COL6A3: variants seen among roughly 807,000 people sequenced by gnomAD.
The protein encoded by COL6A3 is collagen type VI alpha 3 chain, also known as collagen alpha-3(VI) chain.
Under a neutral mutation model 274.1 loss-of-function variants are expected in COL6A3, and 137 were observed. That is an observed-to-expected ratio of 0.50 (90% CI 0.44 to 0.58). The LOEUF (loss-of-function observed/expected upper bound fraction) is 0.58. Ranked by LOEUF, COL6A3 falls within the 20% of genes least tolerant of loss-of-function variation. The pLI is 0.00. For synonymous variants in COL6A3, 1,650 were observed against 1,650.6 expected, an observed-to-expected ratio of 1.00 and a Z score of 0.01; for missense variants, 3,950 against 4,124.9, an observed-to-expected ratio of 0.96 and a Z score of 1.16.
chr2:237,388,184 GC>G lies in COL6A3; in HGVS notation c.710-1del. 6.2e-7 allele frequency: 1 copy of G among 1,613,928 alleles called. No homozygotes were observed. The highest frequency in any genetic ancestry group is 2.2e-5 in the East Asian group (1 of 44,890). On this transcript the variant is annotated splice_acceptor_variant, in intron 3 of 43. Transcript: ENST00000295550. LOFTEE classifies it high-confidence loss of function. ...GAAAATAATGTCAGCAGAGTCTTGT[GC>G]TTTAAAAGAAAGAAATGCAAAAAAT...
chr2:237,369,110 G>A lies in COL6A3; in HGVS notation c.4353C>T (p.Gly1451=), dbSNP rs755425297. The change falls in exon 10 of 44, where the codon GGC becomes GGT. Residue 1451 remains glycine, a synonymous_variant. Transcript: ENST00000295550. ...IDSSEGVRPD[G]FAHIRDFVSR... ...TAACAAAATCTCGAATATGTGCAAA[G>A]CCATCTGGCCTAACTCCCTCAGAGC... The A allele has an allele frequency of 6.2e-7, 1 of 1,614,014 alleles. No individual in the cohort carries two copies. Among genetic ancestry groups the A allele is most frequent in the South Asian group, 1.1e-5 (1 of 91,084 alleles).
intron 42 of COL6A3, chr2:237,330,181 T>C (rs1700152596): frequency 6.6e-6 from 1 of 152,186 alleles, no homozygotes; most frequent in Non-Finnish European, 1.5e-5. Flanking sequence ...GTAATATGCA[T>C]AGAAAATATC....
intron 1 of COL6A3, among the ~76,000 whole-genome samples, chr2:237,408,118 A>C (rs1486997758): frequency 1.3e-5 from 2 of 152,144 alleles, no homozygotes; most frequent in Non-Finnish European, 2.9e-5. Flanking sequence ...AGTCTAATTT[A>C]TAATCAAGTA....
chr2:237,397,423 GAA>G (rs2078477141), intron 1 of COL6A3, among the ~76,000 whole-genome samples: 1 of 131,198 alleles, frequency 7.6e-6, no homozygotes, highest in African/African-American at 2.8e-5. Context: ...AGGAAAGAAA[GAA>G]AGAGAGAAGG....
In COL6A3 at chr2:237,377,119, A is replaced by T; in HGVS notation, c.2723T>A (p.Ile908Asn). ...EILNLVKRMK[I>N]KTGKALNLGY... ...CAGGTTGAGGGCTTTGCCCGTCTTG[A>T]TCTTCATTCTCTTCACAAGATTCAG... Residue 908 changes from isoleucine to asparagine, a missense_variant, in exon 7 of 44, where the codon ATC becomes AAC. This residue lies in a region of COL6A3 where 1,934 missense variants were observed against 1,984.3 expected (regional missense o/e 0.97). Transcript: ENST00000295550. The T allele has an allele frequency of 6.2e-7, 1 of 1,614,164 alleles. No individual in the cohort carries two copies. The highest frequency in any genetic ancestry group is 8.5e-7 in the Non-Finnish European group (1 of 1,180,026).
intron 36 of COL6A3, chr2:237,342,631 C>T (rs985118967): frequency 6.8e-5 from 11 of 161,664 alleles, no homozygotes; most frequent in Non-Finnish European, 1.2e-4. Context: ...TGTCTATCGC[C>T]GTACCTGGCA....
rs764819610 is a variant in COL6A3 at position 237,413,619 on chromosome 2, G to A, written c.-31+334C>T. Among the ~76,000 whole-genome samples the A allele has an allele frequency of 6.6e-6, 1 of 152,148 alleles. No individual in the cohort carries two copies. The highest frequency in any genetic ancestry group is 1.5e-5 in the Non-Finnish European group (1 of 68,026). ...CTGCAAACAAAGCGGATCCCGAATG[G>A]GTTTTAGAAGGCGGCAGTAACTTAA... On this transcript the variant is annotated intron_variant, in intron 1 of 43. Coordinates refer to ENST00000295550, the MANE Select transcript of COL6A3 (RefSeq NM_004369.4). This position sits in a 1 kb window ranked among gnomAD's most constrained non-coding sequence, Gnocchi z 4.0.
chr2:237,380,701 A>G (rs1365874922), intron 5 of COL6A3, among the ~76,000 whole-genome samples: 1 of 152,260 alleles, frequency 6.6e-6, no homozygotes, highest in Non-Finnish European at 1.5e-5. Flanking sequence ...TTTAAATCAT[A>G]TGGTTCTTAT....
At position 237,340,759 on chromosome 2, in the gene COL6A3, A is replaced by G. The variant is rs765020205; in HGVS notation, c.8157T>C (p.Ile2719=). Residue 2719 remains isoleucine, a synonymous_variant, in exon 38 of 44, where the codon ATT becomes ATC. Coordinates refer to ENST00000295550, the MANE Select transcript of COL6A3 (RefSeq NM_004369.4). ...LQGTRALGSA[I]EYTIENVFES... ...CAAAGACATTCTCTATGGTGTATTC[A>G]ATGGCACTGCCTAAGGCCCTGGTTC... The G allele has an allele frequency of 1.2e-6, 2 of 1,614,098 alleles. No individual in the cohort carries two copies. The highest frequency in any genetic ancestry group is 8.5e-7 in the Non-Finnish European group (1 of 1,180,032).
intron 3 of COL6A3, among the ~76,000 whole-genome samples, chr2:237,393,284 G>A (rs879673366): frequency 6.6e-6 from 1 of 152,164 alleles, no homozygotes. Flanking sequence ...GATAGCAACT[G>A]GATGCCACTT....
chr2:237,348,591 A>C lies in COL6A3; in HGVS notation c.6930+22T>G. On this transcript the variant is annotated intron_variant, in intron 29 of 43. Coordinates refer to ENST00000295550, the MANE Select transcript of COL6A3 (RefSeq NM_004369.4). ...GCCTCCTGGCAGCAAGGACGCTTGG[A>C]TAATCCTCAGCAGATACGTACTTTT... The C allele has an allele frequency of 3.1e-6, 5 of 1,612,068 alleles. No individual in the cohort carries two copies. In the South Asian group the frequency reaches 5.5e-5, roughly 18 times the overall value.
intron 32 of COL6A3, among the ~76,000 whole-genome samples, chr2:237,346,209 T>C (rs2077094427): frequency 6.6e-6 from 1 of 152,146 alleles, no homozygotes; most frequent in African/African-American, 2.4e-5. Context: ...CCCTCTTTGG[T>C]TTCTCCTCTA....
chr2:237,387,238 T>C (rs2078166257), intron 4 of COL6A3, among the ~76,000 whole-genome samples: 1 of 152,208 alleles, frequency 6.6e-6, no homozygotes, highest in African/African-American at 2.4e-5. Flanking sequence ...AGAACTGTAA[T>C]GAGCCCCTCA....
chr2:237,369,038 A>G lies in COL6A3; in HGVS notation c.4425T>C (p.Val1475=), dbSNP rs779603740. 1 of 1,614,204 alleles carries G rather than the reference A, an allele frequency of 6.2e-7. No homozygotes were observed. Among genetic ancestry groups the G allele is most frequent in the Non-Finnish European group, 8.5e-7 (1 of 1,180,042 alleles). The change falls in exon 10 of 44, where the codon GTT becomes GTC. Residue 1475 remains valine, a synonymous_variant. Transcript: ENST00000295550. Reference sequence around the variant, plus strand: ...CATCATTGCTGAACTGCACGACCCCAACTCTCACTTTACTGGGGCCGATGT... The same window carrying G: ...CATCATTGCTGAACTGCACGACCCCGACTCTCACTTTACTGGGGCCGATGT... ...RLNIGPSKVR[V]GVVQFSNDVF...
chr2:237,377,496 C>G, intron 6 of COL6A3, 152 bp from the exon 7 acceptor site: 1 of 743,442 alleles, frequency 1.3e-6, no homozygotes, highest in Non-Finnish European at 2.3e-6. Flanking sequence ...AAATTCATAC[C>G]ACTTGTCTTG....
chr2:237,373,064 G>A (rs573945932), intron 8 of COL6A3, among the ~76,000 whole-genome samples: 48 of 152,266 alleles, frequency 3.2e-4, no homozygotes, highest in African/African-American at 1.1e-3. Context: ...TAGGACTCAA[G>A]ATTACCAGCT....
intron 3 of COL6A3, 80 bp from the exon 4 acceptor site, chr2:237,388,264 T>C: frequency 6.3e-7 from 1 of 1,583,588 alleles, no homozygotes; most frequent in Non-Finnish European, 8.6e-7. Flanking sequence ...CTGACATGTT[T>C]CTTTGGAAAC....
At position 237,413,169 on chromosome 2, in the gene COL6A3, G is replaced by C. The variant is rs1318831782; in HGVS notation, c.-31+784C>G. Among the ~76,000 whole-genome samples the C allele has an allele frequency of 6.6e-6, 1 of 152,214 alleles. No individual in the cohort carries two copies. The highest frequency in any genetic ancestry group is 1.5e-5 in the Non-Finnish European group (1 of 68,036). ...AGAGAACAGCCCTCGGGGCCTCCCA[G>C]CTCGGCACTGGCCTCACCTCTGTGC... On this transcript the variant is annotated intron_variant, in intron 1 of 43. Coordinates refer to ENST00000295550, the MANE Select transcript of COL6A3 (RefSeq NM_004369.4). This position sits in a 1 kb window ranked among gnomAD's most constrained non-coding sequence, Gnocchi z 4.0.
rs2077618744 is a variant in COL6A3 at position 237,368,909 on chromosome 2, C to T, written c.4554G>A (p.Lys1518=). The T allele has an allele frequency of 9.9e-6, 16 of 1,614,208 alleles. No homozygotes were observed. Among genetic ancestry groups the T allele is most frequent in the Non-Finnish European group, 1.4e-5 (16 of 1,180,038 alleles). The change falls in exon 10 of 44, where the codon AAG becomes AAA. Residue 1518 remains lysine, a synonymous_variant. Coordinates refer to ENST00000295550, the MANE Select transcript of COL6A3 (RefSeq NM_004369.4). The surrounding 1 kb of genome is among the most constrained non-coding windows in gnomAD (Gnocchi z 4.4). The part of the protein sequence containing the change: ...LRGGSPLNTG[K]ALEFVARNLF... ...GGTTTCTTGCCACAAATTCGAGAGCCTTGCCAGTGTTCAGTGGGGACCCCC... is the reference window on the plus strand; with the variant it reads ...GGTTTCTTGCCACAAATTCGAGAGCTTTGCCAGTGTTCAGTGGGGACCCCC...
Sources: allele counts gnomAD v4.1 joint callset (sites outside exome capture counted in the v4.1 genomes callset), GRCh38; gene constraint gnomAD v4.1.1; regional missense constraint gnomAD v4.1.1; non-coding constraint Gnocchi (gnomAD v3.1); transcripts MANE v1.5; gene names NCBI Gene and HGNC (gene_info 2026-07-23, HGNC 2026-07-21).